Variants in RNF170 observed in about 807,000 individuals in gnomAD.
RNF170 encodes the protein E3 ubiquitin-protein ligase RNF170.
In RNF170, 12 loss-of-function variants were observed where a neutral mutation model predicts 32.7. That is an observed-to-expected ratio of 0.37 (90% CI 0.24 to 0.60). The LOEUF (loss-of-function observed/expected upper bound fraction) is 0.60, where lower values mean the gene tolerates loss of function less well. Ranked by LOEUF, RNF170 falls within the 20% of genes least tolerant of loss-of-function variation. The probability of loss-of-function intolerance (pLI) is 0.72; values close to 1 mark genes in which losing one functional copy is unlikely to be tolerated. For missense variants in RNF170, 212 were observed against 311.2 expected (o/e 0.68, Z 2.40); for synonymous variants, 91 against 103.6 (o/e 0.88, Z 0.74).
chr8:42,849,643 A>G (rs1802893131), downstream of RNF170: 1 of 152,224 alleles, frequency 6.6e-6, no homozygotes. Context: ...AAAATGCCAG[A>G]ATAGTAGTTT....
At chr8:42,888,560 C>T (rs571553515) in intron 1 of RNF170, among the ~76,000 whole-genome samples, 15 of 151,446 alleles carry the variant, frequency 9.9e-5, no homozygotes, top group South Asian at 2.1e-4. Context: ...GTCAGAAGTT[C>T]GAGACCAGCC....
Position 42,854,447 on chromosome 8 carries a change from C to G in RNF170, c.*1712G>C. The G allele has an allele frequency of 7.8e-7, 1 of 1,287,078 alleles. No homozygotes were observed. Among genetic ancestry groups the G allele is most frequent in the Non-Finnish European group, 1.0e-6 (1 of 988,586 alleles). The allele number at this position is 1,287,078 out of a possible 1,614,324, so 79.7% of individuals were successfully genotyped here. ...GAAAGGGAAGTTGGTGTCCTGCGTTCCTCACAAAATTATCCAAAGGATAAA... is the reference window on the plus strand; with the variant it reads ...GAAAGGGAAGTTGGTGTCCTGCGTTGCTCACAAAATTATCCAAAGGATAAA... On this transcript the variant is annotated 3_prime_UTR_variant, in exon 7 of 7. Transcript: ENST00000527424.
rs1459716575 is a variant in RNF170 at position 42,855,460 on chromosome 8, C to T, written c.*699G>A. On this transcript the variant is annotated 3_prime_UTR_variant, in exon 7 of 7. Coordinates refer to ENST00000527424, the MANE Select transcript of RNF170 (RefSeq NM_030954.4). Reference sequence around the variant, plus strand: ...TCTCCTGACCTTGTGATCTACCCGCCTCAGCCTCCCAAAGTGCTAGGATTA... The same window carrying T: ...TCTCCTGACCTTGTGATCTACCCGCTTCAGCCTCCCAAAGTGCTAGGATTA... 3 of 958,366 alleles carry T rather than the reference C, an allele frequency of 3.1e-6. No homozygotes were observed. Among genetic ancestry groups the T allele is most frequent in the Non-Finnish European group, 4.4e-6 (3 of 689,510 alleles). The allele number at this position is 958,366 out of a possible 1,614,324, so 59.4% of individuals were successfully genotyped here.
rs752981300 is a variant in RNF170 at position 42,887,819 on chromosome 8, C to A, written c.46G>T (p.Asp16Tyr). 1 of 1,612,914 alleles carries A rather than the reference C, an allele frequency of 6.2e-7. No homozygotes were observed. The change falls in exon 2 of 7, where the codon GAT becomes TAT. Residue 16 changes from aspartate to tyrosine, a missense_variant. Physicochemically the swap from Asp to Tyr is radical, Grantham distance 160 (BLOSUM62 -3). Around this residue, in one of 2 missense-constraint regions of RNF170, gnomAD observed 115 missense variants for 132.3 expected, o/e 0.87. Coordinates refer to ENST00000527424, the MANE Select transcript of RNF170 (RefSeq NM_030954.4). ...GEVQSLKLDDDSVIEGVSDQV... is the reference protein window; with the variant it reads ...GEVQSLKLDDYSVIEGVSDQV... ...TCGCTTACTCCTTCTATAACTGAAT[C>A]ATCATCCAGTTTCAAACTTTGAACT...
At position 42,896,481 on chromosome 8, in the gene RNF170, T is replaced by G. The variant is rs1401322418; in HGVS notation, c.-8+3A>C. On this transcript the variant is annotated splice_donor_region_variant and intron_variant, in intron 1 of 6. Transcript: ENST00000527424. Reference sequence around the variant, plus strand: ...GGGCGTGGCCGCCGCGCGCCGGACGTACCTCTCCACCGCGAAGGAACTACC... The same window carrying G: ...GGGCGTGGCCGCCGCGCGCCGGACGGACCTCTCCACCGCGAAGGAACTACC... 1 of 453,812 alleles carries G rather than the reference T, an allele frequency of 2.2e-6. No homozygotes were observed. Among genetic ancestry groups the G allele is most frequent in the Non-Finnish European group, 4.4e-6 (1 of 226,664 alleles). 28.1% of individuals were successfully genotyped at this position (453,812 alleles called of 1,614,324 possible). A position where few individuals can be genotyped will look rare whatever the true frequency, so the allele number is the denominator to read the frequency against.
Position 42,870,103 on chromosome 8 carries a change from C to T in RNF170, c.223G>A (p.Ala75Thr), listed in dbSNP as rs1487875779. The T allele has an allele frequency of 4.3e-6, 7 of 1,613,330 alleles. No homozygotes were observed. The highest frequency in any genetic ancestry group is 1.3e-5 in the African/African-American group (1 of 75,020). ...GTGTAGAACTGCTGTCGAGTGGCAGCAGGTGCATCCTAATAAGAACACAGG... is the reference window on the plus strand; with the variant it reads ...GTGTAGAACTGCTGTCGAGTGGCAGTAGGTGCATCCTAATAAGAACACAGG... ...EQLQTEQDAP[A>T]ATRQQFYTDM... is the part of the protein sequence containing the mutation. Residue 75 changes from alanine (A) to threonine (T), a missense_variant, in exon 4 of 7, where the codon GCT becomes ACT. This residue lies in a region of RNF170 where 115 missense variants were observed against 132.3 expected (regional missense o/e 0.87). Transcript: ENST00000527424.
At chr8:42,850,954 T>G, downstream of RNF170, 1 of 1,551,648 alleles carries the variant, frequency 6.4e-7, no homozygotes, top group Non-Finnish European at 8.7e-7. Flanking sequence ...AACAGCCTCT[T>G]GATGGGTCTG....
In RNF170 at chr8:42,855,178, A is replaced by G. The variant is rs1166412079; in HGVS notation, c.*981T>C. ...TACGAAAGGATGAGCTCTTGTTTAA[A>G]TGTCTAACTGTGAACATCAAGTGTG... On this transcript the variant is annotated 3_prime_UTR_variant, in exon 7 of 7. Transcript: ENST00000527424. 1 of 1,286,750 alleles carries G rather than the reference A, an allele frequency of 7.8e-7. No individual in the cohort carries two copies. Among genetic ancestry groups the G allele is most frequent in the East Asian group, 5.6e-5 (1 of 18,014 alleles). The allele number at this position is 1,286,750 out of a possible 1,614,324, so 79.7% of individuals were successfully genotyped here.
downstream of RNF170, chr8:42,849,877 G>C (rs2128920130): frequency 6.6e-6 from 1 of 152,354 alleles, no homozygotes; most frequent in Non-Finnish European, 1.5e-5. Context: ...GGAGATTTCT[G>C]CCCTCAGGGA....
chr8:42,894,842 C>T (rs1276222146), intron 1 of RNF170, among the ~76,000 whole-genome samples: 1 of 152,170 alleles, frequency 6.6e-6, no homozygotes, highest in African/African-American at 2.4e-5. Flanking sequence ...GCGCGAGACA[C>T]CGCGCCTGGC....
In RNF170 at chr8:42,896,515, T is replaced by TCG. The variant is rs1806912260; in HGVS notation, c.-40_-39insCG. ...ACCGCGAAGGAACTACCTCGCCAGT[T>TCG]CCCGGCGACAGAGGACAGATTATTT... On this transcript the variant is annotated 5_prime_UTR_variant, in exon 1 of 7. Coordinates refer to ENST00000527424, the MANE Select transcript of RNF170 (RefSeq NM_030954.4). 1 of 453,710 alleles carries TCG rather than the reference T, an allele frequency of 2.2e-6. No individual in the cohort carries two copies. The highest frequency in any genetic ancestry group is 1.6e-5 in the South Asian group (1 of 64,468). 28.1% of individuals were successfully genotyped at this position (453,710 alleles called of 1,614,324 possible).
rs1803037650 is a variant in RNF170, at chr8:42,853,824, C to T, written c.*2335G>A. 1.6e-6 allele frequency: 2 copies of T among 1,286,954 alleles called. No homozygotes were observed. Among genetic ancestry groups the T allele is most frequent in the South Asian group, 1.2e-5 (1 of 80,906 alleles). The allele number at this position is 1,286,954 out of a possible 1,614,324, so 79.7% of individuals were successfully genotyped here. On this transcript the variant is annotated 3_prime_UTR_variant, in exon 7 of 7. Coordinates refer to ENST00000527424, the MANE Select transcript of RNF170 (RefSeq NM_030954.4). ...CATACCCTTTTCACAATTTAGGAAG[C>T]TTTAAGATCATTTAGTATTTTTTTA...
intron 1 of RNF170, among the ~76,000 whole-genome samples, chr8:42,894,245 A>G (rs953897105): frequency 6.6e-6 from 1 of 152,236 alleles, no homozygotes; most frequent in African/African-American, 2.4e-5. Flanking sequence ...CAAGCTTGAA[A>G]AAGGAGACTT....
chr8:42,879,696 C>G (rs1165945330), intron 2 of RNF170, among the ~76,000 whole-genome samples: 1 of 150,688 alleles, frequency 6.6e-6, no homozygotes, highest in African/African-American at 2.4e-5. Flanking sequence ...TTTTTTGAGA[C>G]AGAGTCTCAC....
At chr8:42,866,787 C>T (rs1804117139) in intron 4 of RNF170, among the ~76,000 whole-genome samples, 1 of 152,196 alleles carries the variant, frequency 6.6e-6, no homozygotes, top group African/African-American at 2.4e-5. Flanking sequence ...GTCTGGCGAC[C>T]TCAAGAAGGC....
intron 1 of RNF170, among the ~76,000 whole-genome samples, chr8:42,891,285 G>T (rs1806280051): frequency 1.3e-5 from 2 of 152,126 alleles, no homozygotes; most frequent in South Asian, 4.1e-4. Context: ...CACGTAACAT[G>T]TTTACAATTC....
At position 42,853,703 on chromosome 8, in the gene RNF170, CTACTT is replaced by C; in HGVS notation, c.*2451_*2455del. On this transcript the variant is annotated 3_prime_UTR_variant, in exon 7 of 7. Coordinates refer to ENST00000527424, the MANE Select transcript of RNF170 (RefSeq NM_030954.4). ...ATGATGTTCAAAACTCTGATTGACT[CTACTT>C]GCTTTAAAAACTCTCAGATCCCTTC... The C allele has an allele frequency of 1.6e-6, 2 of 1,287,164 alleles. No individual in the cohort carries two copies. The highest frequency in any genetic ancestry group is 2.0e-6 in the Non-Finnish European group (2 of 988,668). 79.7% of individuals were successfully genotyped at this position (1,287,164 alleles called of 1,614,324 possible). A position where few individuals can be genotyped will look rare whatever the true frequency, so the allele number is the denominator to read the frequency against.
intron 5 of RNF170, among the ~76,000 whole-genome samples, chr8:42,865,113 C>T (rs1371463791): frequency 6.6e-6 from 1 of 151,672 alleles, no homozygotes; most frequent in African/African-American, 2.4e-5. Flanking sequence ...AAAAATTAGC[C>T]AGGCATGGTG....
intron 2 of RNF170, among the ~76,000 whole-genome samples, chr8:42,879,815 C>T (rs1805240378): frequency 6.6e-6 from 1 of 151,972 alleles, no homozygotes; most frequent in South Asian, 2.1e-4. Context: ...GCTGGGATTA[C>T]AGGTGTGTGC....
Sources: gnomAD v4.1 joint callset for allele counts (sites outside exome capture counted in the v4.1 genomes callset) on GRCh38, gnomAD v4.1.1 for gene constraint, gnomAD v4.1.1 regional missense constraint, MANE v1.5 for transcripts, NCBI Gene and HGNC (gene_info 2026-07-23, HGNC 2026-07-21) for gene names.